Variants in CCT4 observed in about 807,000 individuals in gnomAD.
The protein encoded by CCT4 is chaperonin containing TCP1 subunit 4, also known as T-complex protein 1 subunit delta.
A neutral mutation model predicts 62.5 loss-of-function variants in CCT4; 17 were observed. The ratio of observed to expected loss-of-function variants is 0.27; its 90% CI spans 0.19 to 0.41. CCT4 has a LOEUF of 0.41. Ranked by LOEUF, CCT4 falls within the 10% of genes least tolerant of loss-of-function variation. CCT4 has a pLI of 1.00. For synonymous variants in CCT4, 250 were observed against 229.9 expected (o/e 1.09, Z -0.79); for missense variants, 592 against 659.2 (o/e 0.90, Z 1.12).
chr2:61,881,882 A>T (rs56174303), intron 3 of CCT4, among the ~76,000 whole-genome samples: 25,767 of 150,628 alleles, frequency 0.17, 2,686 homozygotes, highest in Middle Eastern at 0.3. Context: ...AAAAAAAAAA[A>T]TTTTTTAAAA....
chr2:61,879,822 A>C (rs1298185157), intron 4 of CCT4, among the ~76,000 whole-genome samples: 1 of 151,324 alleles, frequency 6.6e-6, no homozygotes, highest in Non-Finnish European at 1.5e-5. Context: ...GGCTCACTGC[A>C]ACCTCTACCT....
chr2:61,888,615 A>C lies in CCT4; in HGVS notation c.-108T>G, dbSNP rs1233063558. 3 of 1,342,858 alleles carry C rather than the reference A, an allele frequency of 2.2e-6. No homozygotes were observed. Among genetic ancestry groups the C allele is most frequent in the Non-Finnish European group, 3.0e-6 (3 of 1,009,766 alleles). 83.2% of individuals were successfully genotyped at this position (1,342,858 alleles called of 1,614,324 possible). A position where few individuals can be genotyped will look rare whatever the true frequency, so the allele number is the denominator to read the frequency against. ...CCCTCACTGCCTTCACGAACCTTCC[A>C]GAAAGCGGCGCCGGCGTCGGGAGGA... On this transcript the variant is annotated 5_prime_UTR_variant, in exon 1 of 14. Transcript: ENST00000394440.
At chr2:61,888,665 C>G (rs570095897), upstream of CCT4, 7 of 835,224 alleles carry the variant, frequency 8.4e-6, no homozygotes, top group African/African-American at 1.1e-4. Context: ...AGGGGGCCTT[C>G]CTTGCCGCGC....
intron 3 of CCT4, among the ~76,000 whole-genome samples, chr2:61,880,929 T>C (rs1486455745): frequency 2.0e-5 from 3 of 151,998 alleles, no homozygotes; most frequent in African/African-American, 7.2e-5. Flanking sequence ...CCCATTATGT[T>C]CCCTAGAATG....
Position 61,873,218 on chromosome 2 carries a change from TTC to T in CCT4, c.991_992del (p.Glu331ArgfsTer3), listed in dbSNP as rs1668922034. On this transcript the variant is annotated frameshift_variant, in exon 9 of 14. Transcript: ENST00000394440. LOFTEE classifies it high-confidence loss of function. ...KIMVIKDIER[E>X]DIEFICKTIG... ...TTACCTTACAAATGAATTCAATGTC[TTC>T]TCTTTCAATATCCTTAATCACCATG... The T allele has an allele frequency of 6.6e-7, 1 of 1,510,884 alleles. No individual in the cohort carries two copies. 93.6% of individuals were successfully genotyped at this position (1,510,884 alleles called of 1,614,324 possible).
In CCT4 at chr2:61,888,622, G is replaced by C; in HGVS notation, c.-115C>G. On this transcript the variant is annotated 5_prime_UTR_variant, in exon 1 of 14. Transcript: ENST00000394440. ...TGCCTTCACGAACCTTCCAGAAAGCGGCGCCGGCGTCGGGAGGAGGCGGAG... is the reference window on the plus strand; with the variant it reads ...TGCCTTCACGAACCTTCCAGAAAGCCGCGCCGGCGTCGGGAGGAGGCGGAG... The C allele has an allele frequency of 7.7e-6, 10 of 1,301,496 alleles. No homozygotes were observed. Among genetic ancestry groups the C allele is most frequent in the South Asian group, 1.5e-5 (1 of 66,126 alleles). The allele number at this position is 1,301,496 out of a possible 1,614,324, so 80.6% of individuals were successfully genotyped here.
chr2:61,880,619 A>G (rs1439750325), intron 3 of CCT4, among the ~76,000 whole-genome samples: 1 of 152,190 alleles, frequency 6.6e-6, no homozygotes, highest in Non-Finnish European at 1.5e-5. Context: ...CTGCTACTCA[A>G]AAGTTCTAAT....
At chr2:61,884,239 T>G (rs141505443) in intron 2 of CCT4, among the ~76,000 whole-genome samples, 1 of 152,232 alleles carries the variant, frequency 6.6e-6, no homozygotes. Context: ...ATATGAATTA[T>G]AGTTTAGTCC....
chr2:61,888,059 G>T (rs1669300192), intron 1 of CCT4: 1 of 272,250 alleles, frequency 3.7e-6, no homozygotes. Context: ...GCCCTCAAGC[G>T]TCAGATCCCT....
intron 3 of CCT4, among the ~76,000 whole-genome samples, chr2:61,881,779 T>C (rs997667187): frequency 2.0e-5 from 3 of 152,166 alleles, no homozygotes; most frequent in African/African-American, 7.2e-5. Flanking sequence ...ATTAACATGC[T>C]GTGGTATACT....
At position 61,883,559 on chromosome 2, in the gene CCT4, A is replaced by G; in HGVS notation, c.181-11T>C. On this transcript the variant is annotated splice_polypyrimidine_tract_variant and intron_variant, in intron 2 of 13. Coordinates refer to ENST00000394440, the MANE Select transcript of CCT4 (RefSeq NM_006430.4). ...TTTTCCATCTTGAATCTAGAAAAAA[A>G]ATTTTAAAGTTATATTTCAATGTCA... The G allele has an allele frequency of 2.1e-6, 3 of 1,415,236 alleles. No individual in the cohort carries two copies. Among genetic ancestry groups the G allele is most frequent in the Non-Finnish European group, 2.9e-6 (3 of 1,019,316 alleles). 87.7% of individuals were successfully genotyped at this position (1,415,236 alleles called of 1,614,324 possible).
chr2:61,887,862 G>GTGT (rs1197045828), intron 1 of CCT4: 2 of 152,314 alleles, frequency 1.3e-5, no homozygotes, highest in Non-Finnish European at 2.9e-5. Flanking sequence ...TTTCAAACAC[G>GTGT]ACACGTAAGT....
At chr2:61,884,877 C>CA (rs771506689) in intron 2 of CCT4, 143 bp downstream of exon 2, 12 of 653,290 alleles carry the variant, frequency 1.8e-5, no homozygotes, top group Non-Finnish European at 2.9e-5. Flanking sequence ...ATCCTCCCCT[C>CA]ACCCTCCCAA....
At chr2:61,883,587 C>T in intron 2 of CCT4, 39 bp from the exon 3 acceptor site, 1 of 949,360 alleles carries the variant, frequency 1.1e-6, no homozygotes, top group Non-Finnish European at 1.6e-6. Context: ...CAATGTCACA[C>T]CTTAATAGTT....
At chr2:61,881,936 CT>C (rs10582574) in intron 3 of CCT4, among the ~76,000 whole-genome samples, 296 of 141,750 alleles carry the variant, frequency 2.1e-3, no homozygotes, top group African/African-American at 4.8e-3. Context: ...ATAGAAGTTC[CT>C]TTTTTTTTTT....
rs1331266101 is a variant in CCT4 at position 61,869,562 on chromosome 2, C to T, written c.1492-9G>A. 3.4e-6 allele frequency: 5 copies of T among 1,486,378 alleles called. No homozygotes were observed. The highest frequency in any genetic ancestry group is 4.7e-6 in the Non-Finnish European group (5 of 1,063,686). The allele number at this position is 1,486,378 out of a possible 1,614,324, so 92.1% of individuals were successfully genotyped here. On this transcript the variant is annotated splice_polypyrimidine_tract_variant and intron_variant, in intron 12 of 13. Coordinates refer to ENST00000394440, the MANE Select transcript of CCT4 (RefSeq NM_006430.4). ...ATGTTGGAAATACCACCCTGCAAAT[C>T]AAATCAGCACAAGTTGCTTTTAGTG...
At chr2:61,878,799 A>G (rs1256370906) in intron 5 of CCT4, 70 bp downstream of exon 5, 1 of 1,048,116 alleles carries the variant, frequency 9.5e-7, no homozygotes. Flanking sequence ...TATGTACCGT[A>G]TAGCATCAAG....
At position 61,877,431 on chromosome 2, in the gene CCT4, A is replaced by G; in HGVS notation, c.606T>C (p.Ser202=). ...CTATTTTAATATCTCTAAGATCTAC[A>G]CTGGTGGCTGTGGCTGGGTCAATCA... ...MKVIDPATAT[S]VDLRDIKIVK... Residue 202 remains serine, a synonymous_variant, in exon 6 of 14, where the codon AGT becomes AGC. Transcript: ENST00000394440. 21 of 1,612,194 alleles carry G rather than the reference A, an allele frequency of 1.3e-5. No homozygotes were observed. Among genetic ancestry groups the G allele is most frequent in the Non-Finnish European group, 1.8e-5 (21 of 1,178,660 alleles).
chr2:61,869,835 G>A (rs548012181), intron 12 of CCT4, among the ~76,000 whole-genome samples: 34 of 151,202 alleles, frequency 2.2e-4, no homozygotes, highest in African/African-American at 7.0e-4. Flanking sequence ...GGGTTTCACC[G>A]TGTTAGCCAG....
Sources: gnomAD v4.1 joint callset for allele counts (sites outside exome capture counted in the v4.1 genomes callset) on GRCh38, gnomAD v4.1.1 for gene constraint, MANE v1.5 for transcripts, NCBI Gene and HGNC (gene_info 2026-07-23, HGNC 2026-07-21) for gene names.